Variants in MAL observed in about 807,000 individuals in gnomAD.
The protein encoded by MAL is mal, T cell differentiation protein (MAL blood group), also known as myelin and lymphocyte protein.
MAL carries 5 observed loss-of-function variants against 16.7 expected under a neutral mutation model. That is an observed-to-expected ratio of 0.30 (90% CI 0.16 to 0.63). MAL has a LOEUF of 0.63. MAL is among the 30% of genes least tolerant of loss of function. The pLI, the probability that MAL is intolerant of heterozygous loss-of-function variation, is 0.82. For synonymous variants in MAL, 96 were observed against 85.5 expected, an observed-to-expected ratio of 1.12 and a Z score of -0.67; for missense variants, 202 against 195.8, an observed-to-expected ratio of 1.03 and a Z score of -0.19.
At position 95,053,408 on chromosome 2, in the gene MAL, TAC is replaced by T; in HGVS notation, c.416_417del (p.Tyr139CysfsTer19). 1 of 1,613,676 alleles carries T rather than the reference TAC, an allele frequency of 6.2e-7. No homozygotes were observed. Among genetic ancestry groups the T allele is most frequent in the Non-Finnish European group, 8.5e-7 (1 of 1,179,658 alleles). On this transcript the variant is annotated frameshift_variant, in exon 4 of 4. Transcript: ENST00000309988. LOFTEE classifies it high-confidence loss of function. The stretch of plus-strand genomic sequence containing the variant: ...GTTCTCCTACATAGCCACTCTGCTC[TAC>T]GTGGTCCATGCGGTGTTCTCTTTAA... ...VVFSYIATLL[Y>X]VVHAVFSLIR...
intron 1 of MAL, among the ~76,000 whole-genome samples, chr2:95,046,114 T>C (rs1303651211): frequency 6.6e-6 from 1 of 152,196 alleles, no homozygotes; most frequent in Non-Finnish European, 1.5e-5. Context: ...AATTCTCTCC[T>C]GATTGCTTCT....
At chr2:95,042,558 AACTGGAG>A (rs1041117925) in intron 1 of MAL, among the ~76,000 whole-genome samples, 4 of 152,194 alleles carry the variant, frequency 2.6e-5, no homozygotes, top group African/African-American at 4.8e-5. Context: ...GCAGCCACCC[AACTGGAG>A]ACCTTTGAGA....
chr2:95,049,801 G>C, intron 3 of MAL, 95 bp downstream of exon 3: 1 of 1,530,004 alleles, frequency 6.5e-7, no homozygotes, highest in Non-Finnish European at 8.9e-7. Flanking sequence ...TCTGTTTTCA[G>C]TTCACTAACT....
At chr2:95,029,351 T>C (rs1674022260) in intron 1 of MAL, among the ~76,000 whole-genome samples, 1 of 152,256 alleles carries the variant, frequency 6.6e-6, no homozygotes, top group Non-Finnish European at 1.5e-5. Context: ...GAACTACACA[T>C]GGCATTGTTT....
chr2:95,037,565 T>C (rs1202193990), intron 1 of MAL, among the ~76,000 whole-genome samples: 2 of 150,910 alleles, frequency 1.3e-5, no homozygotes, highest in African/African-American at 2.5e-5. Flanking sequence ...AGTGACTGAG[T>C]GAGTGAGTGA....
intron 1 of MAL, among the ~76,000 whole-genome samples, chr2:95,037,339 ACTGAGTGG>A (rs1674248704): frequency 6.7e-6 from 1 of 149,058 alleles, no homozygotes; most frequent in African/African-American, 2.5e-5. Flanking sequence ...TGAGTGAGTG[ACTGAGTGG>A]GTGAGTGAGT....
rs116607248 is a variant in MAL at position 95,053,422 on chromosome 2, G to A, written c.429G>A (p.Ala143=). ...CCACTCTGCTCTACGTGGTCCATGC[G>A]GTGTTCTCTTTAATCAGATGGAAGT... ...YIATLLYVVH[A]VFSLIRWKSS is the part of the protein sequence containing the mutation. Residue 143 remains alanine, a synonymous_variant, in exon 4 of 4, where the codon GCG becomes GCA. Transcript: ENST00000309988. 3.0e-5 allele frequency: 48 copies of A among 1,613,508 alleles called. No individual in the cohort carries two copies. Among genetic ancestry groups the A allele is most frequent in the African/African-American group, 1.2e-4 (9 of 74,896 alleles).
At position 95,049,584 on chromosome 2, in the gene MAL, G is replaced by A. The variant is rs552937397; in HGVS notation, c.265G>A (p.Ala89Thr). ...TGACACCCCGTCTGCCCCATAGGACGCAGCCTACCACTGCACCGCTGCCCT... is the reference window on the plus strand; with the variant it reads ...TGACACCCCGTCTGCCCCATAGGACACAGCCTACCACTGCACCGCTGCCCT... ...GGETSWVTLD[A>T]AYHCTAALFY... Residue 89 changes from alanine to threonine, a missense_variant, in exon 3 of 4, where the codon GCA becomes ACA. By Grantham distance (58) the Ala-to-Thr change is moderately conservative (BLOSUM62 0). Coordinates refer to ENST00000309988, the MANE Select transcript of MAL (RefSeq NM_002371.4). 2.2e-4 allele frequency: 354 copies of A among 1,614,060 alleles called. 6 individuals carry two copies. In the South Asian group the frequency reaches 3.4e-3, roughly 16 times the overall value.
chr2:95,026,014 G>A, intron 1 of MAL, 129 bp downstream of exon 1: 2 of 779,426 alleles, frequency 2.6e-6, no homozygotes, highest in Non-Finnish European at 4.1e-6. Context: ...AGCAGGCGCA[G>A]GGCGGGGACT....
chr2:95,043,438 G>T (rs1257420123), intron 1 of MAL, among the ~76,000 whole-genome samples: 1 of 152,248 alleles, frequency 6.6e-6, no homozygotes, highest in Non-Finnish European at 1.5e-5. Flanking sequence ...GCTGTGAGTT[G>T]CCATTTGCAG....
chr2:95,048,402 C>G (rs1364601086), intron 2 of MAL, among the ~76,000 whole-genome samples: 1 of 152,164 alleles, frequency 6.6e-6, no homozygotes, highest in Non-Finnish European at 1.5e-5. Flanking sequence ...GCCCCCACAC[C>G]ACCTGTACCC....
intron 1 of MAL, among the ~76,000 whole-genome samples, chr2:95,034,623 C>T (rs1674163180): frequency 1.3e-5 from 2 of 152,196 alleles, no homozygotes; most frequent in South Asian, 4.1e-4. Context: ...CCCCAGCCTC[C>T]ATCCTGGCCC....
intron 1 of MAL, among the ~76,000 whole-genome samples, chr2:95,029,593 A>G (rs1674027796): frequency 6.6e-6 from 1 of 152,216 alleles, no homozygotes; most frequent in Non-Finnish European, 1.5e-5. Flanking sequence ...AATGTCTCCC[A>G]GAGACACTTG....
intron 1 of MAL, among the ~76,000 whole-genome samples, chr2:95,036,241 A>G (rs1435912298): frequency 6.6e-6 from 1 of 152,174 alleles, no homozygotes; most frequent in East Asian, 1.9e-4. Flanking sequence ...CAGACTCCCA[A>G]TAATCTGCCT....
chr2:95,053,597 C>A lies in MAL; in HGVS notation c.*142C>A. On this transcript the variant is annotated 3_prime_UTR_variant, in exon 4 of 4. Transcript: ENST00000309988. ...CCCCCCCACTGCCCAAAAAAAAAAG[C>A]CCTGCCCTGTTGCTCGTGGGTGCTG... 4 of 664,376 alleles carry A rather than the reference C, an allele frequency of 6.0e-6. No homozygotes were observed. Among genetic ancestry groups the A allele is most frequent in the Admixed American group, 5.6e-5 (2 of 35,590 alleles). 41.2% of individuals were successfully genotyped at this position (664,376 alleles called of 1,614,324 possible).
At chr2:95,047,266 T>C (rs1182445499) in intron 1 of MAL, among the ~76,000 whole-genome samples, 1 of 152,228 alleles carries the variant, frequency 6.6e-6, no homozygotes, top group Non-Finnish European at 1.5e-5. Flanking sequence ...ATTACTTAAC[T>C]TCCACCTACC....
At chr2:95,039,184 G>GTGAGTGAGTGAC (rs769731817) in intron 1 of MAL, among the ~76,000 whole-genome samples, 1 of 149,796 alleles carries the variant, frequency 6.7e-6, no homozygotes, top group Non-Finnish European at 1.5e-5. Flanking sequence ...GACTTGGTGA[G>GTGAGTGAGTGAC]TGAGTGAGTG....
intron 1 of MAL, among the ~76,000 whole-genome samples, chr2:95,028,998 C>T (rs1249050787): frequency 6.6e-6 from 1 of 152,186 alleles, no homozygotes; most frequent in Non-Finnish European, 1.5e-5. Flanking sequence ...CATGAATGTA[C>T]TAAATGCCAC....
intron 1 of MAL, among the ~76,000 whole-genome samples, chr2:95,041,366 CTT>C (rs1558660077): frequency 1.3e-5 from 2 of 152,242 alleles, no homozygotes; most frequent in East Asian, 3.9e-4. Context: ...TAGGTTTTCT[CTT>C]TTTGATTCTT....
Sources: gnomAD v4.1 joint callset for allele counts (sites outside exome capture counted in the v4.1 genomes callset) on GRCh38, gnomAD v4.1.1 for gene constraint, MANE v1.5 for transcripts, NCBI Gene and HGNC (gene_info 2026-07-23, HGNC 2026-07-21) for gene names.